Variants in PDE4B observed in about 807,000 individuals in gnomAD.
The protein encoded by PDE4B is phosphodiesterase 4B.
In PDE4B, 20 loss-of-function variants were observed where a neutral mutation model predicts 82.2. That is an observed-to-expected ratio of 0.24 (90% CI 0.17 to 0.35). The LOEUF is 0.35. Ranked by LOEUF, PDE4B falls within the 10% of genes least tolerant of loss-of-function variation. The probability of loss-of-function intolerance (pLI) is 1.00; values close to 1 mark genes in which losing one functional copy is unlikely to be tolerated. For synonymous variants in PDE4B, 320 were observed against 318.9 expected (o/e 1.00, Z -0.04); for missense variants, 655 against 907.2 (o/e 0.72, Z 3.57).
intron 1 of PDE4B, among the ~76,000 whole-genome samples, chr1:65,874,008 A>G (rs2100311013): frequency 6.6e-6 from 1 of 151,420 alleles, no homozygotes; most frequent in African/African-American, 2.4e-5. Context: ...TACCTTGGGC[A>G]GTATGGCCAT....
At chr1:66,011,687 T>A (rs1316393273) in intron 3 of PDE4B, among the ~76,000 whole-genome samples, 1 of 152,136 alleles carries the variant, frequency 6.6e-6, no homozygotes, top group Non-Finnish European at 1.5e-5. Context: ...GTGAGACATC[T>A]GTATTTTACT....
At chr1:66,211,387 T>C (rs1650037128) in intron 3 of PDE4B, among the ~76,000 whole-genome samples, 1 of 152,208 alleles carries the variant, frequency 6.6e-6, no homozygotes, top group African/African-American at 2.4e-5. Context: ...CAGCTGATGA[T>C]GCTTCTTTCT....
chr1:65,865,350 G>A (rs186114314), intron 1 of PDE4B, among the ~76,000 whole-genome samples: 1 of 152,212 alleles, frequency 6.6e-6, no homozygotes, highest in African/African-American at 2.4e-5. Flanking sequence ...GAGACCACTT[G>A]GCTCCCTGTC....
At chr1:66,202,809 A>T (rs923106063) in intron 3 of PDE4B, among the ~76,000 whole-genome samples, 15 of 151,976 alleles carry the variant, frequency 9.9e-5, no homozygotes, top group African/African-American at 3.6e-4. Flanking sequence ...CCAATTTGCC[A>T]GTCTGTGTCT....
chr1:66,306,490 C>G (rs1658288491), intron 7 of PDE4B, among the ~76,000 whole-genome samples: 1 of 152,016 alleles, frequency 6.6e-6, no homozygotes, highest in African/African-American at 2.4e-5. Context: ...CGGAGCCTGC[C>G]AACTGGTGGG....
intron 3 of PDE4B, among the ~76,000 whole-genome samples, chr1:66,030,402 T>A (rs1653706857): frequency 6.6e-6 from 1 of 152,226 alleles, no homozygotes; most frequent in Admixed American, 6.5e-5. Context: ...TCCTTGACTT[T>A]TTGAAAGGGC....
intron 3 of PDE4B, among the ~76,000 whole-genome samples, chr1:66,223,065 A>T (rs1379572642): frequency 6.6e-6 from 1 of 152,230 alleles, no homozygotes; most frequent in African/African-American, 2.4e-5. Context: ...GAGTGTTCAC[A>T]CAATGTGTGC....
At chr1:66,246,500 T>C (rs184051520) in intron 3 of PDE4B, among the ~76,000 whole-genome samples, 3 of 152,344 alleles carry the variant, frequency 2.0e-5, no homozygotes, top group Non-Finnish European at 4.4e-5. Context: ...GTGAGAGTTC[T>C]GGAGAAATAC....
At chr1:66,290,729 A>G (rs1657011819) in intron 7 of PDE4B, among the ~76,000 whole-genome samples, 1 of 152,188 alleles carries the variant, frequency 6.6e-6, no homozygotes, top group South Asian at 2.1e-4. Flanking sequence ...ATTATCCCTT[A>G]CTAGTATGCT....
chr1:65,808,976 A>G (rs1645788142), intron 1 of PDE4B, among the ~76,000 whole-genome samples: 1 of 152,182 alleles, frequency 6.6e-6, no homozygotes. Flanking sequence ...ACAGAATAAC[A>G]GAAAGTGGAA....
intron 3 of PDE4B, among the ~76,000 whole-genome samples, chr1:65,981,839 C>T (rs1287692560): frequency 1.3e-5 from 2 of 152,006 alleles, no homozygotes; most frequent in South Asian, 2.1e-4. Context: ...CTCTTTCTGC[C>T]TTCCCCCCAA....
chr1:66,206,539 T>TA (rs1317686481), intron 3 of PDE4B, among the ~76,000 whole-genome samples: 4 of 152,196 alleles, frequency 2.6e-5, no homozygotes, highest in Admixed American at 1.3e-4. Context: ...CTTCCTATTT[T>TA]AAAAAAATTC....
intron 3 of PDE4B, among the ~76,000 whole-genome samples, chr1:65,980,521 A>T (rs1650632009): frequency 6.6e-6 from 1 of 152,206 alleles, no homozygotes; most frequent in Admixed American, 6.5e-5. Flanking sequence ...ATCACTTGTT[A>T]TAAAAGGGGG....
At chr1:66,214,656 C>G (rs1260499286) in intron 3 of PDE4B, among the ~76,000 whole-genome samples, 4 of 151,976 alleles carry the variant, frequency 2.6e-5, no homozygotes, top group African/African-American at 9.7e-5. Context: ...CTTTATTTTA[C>G]AGATTAAGAA....
intron 3 of PDE4B, among the ~76,000 whole-genome samples, chr1:66,162,886 T>C (rs1024961195): frequency 2.6e-5 from 4 of 152,178 alleles, no homozygotes; most frequent in African/African-American, 9.7e-5. Context: ...ATCAATTAAT[T>C]ATCAATTGTG....
chr1:65,798,144 A>G (rs907789748), intron 1 of PDE4B, among the ~76,000 whole-genome samples: 9 of 151,414 alleles, frequency 5.9e-5, no homozygotes, highest in African/African-American at 2.2e-4. Flanking sequence ...CAGCCTCCCA[A>G]GTAGCTGGGA....
chr1:66,214,675 T>C (rs1650317829), intron 3 of PDE4B, among the ~76,000 whole-genome samples: 1 of 152,146 alleles, frequency 6.6e-6, no homozygotes, highest in African/African-American at 2.4e-5. Flanking sequence ...AATCTGTAGA[T>C]CAGAGAGATT....
chr1:65,809,571 A>C (rs965572511), intron 1 of PDE4B, among the ~76,000 whole-genome samples: 3 of 152,198 alleles, frequency 2.0e-5, no homozygotes, highest in Non-Finnish European at 4.4e-5. Flanking sequence ...ATAAATGAGG[A>C]GATCTAAACA....
chr1:66,204,733 A>G (rs577441277), intron 3 of PDE4B, among the ~76,000 whole-genome samples: 1 of 152,202 alleles, frequency 6.6e-6, no homozygotes, highest in African/African-American at 2.4e-5. Flanking sequence ...CCGATTTTCC[A>G]GGTGCCATCT....
Sources: allele counts gnomAD v4.1 joint callset (sites outside exome capture counted in the v4.1 genomes callset), GRCh38; gene constraint gnomAD v4.1.1; transcripts MANE v1.5; gene names NCBI Gene and HGNC (gene_info 2026-07-23, HGNC 2026-07-21).